Variants in ADAM12 observed in about 807,000 individuals in gnomAD.
ADAM12 encodes the protein ADAM metallopeptidase domain 12.
ADAM12 carries 70 observed loss-of-function variants against 106.4 expected under a neutral mutation model. The ratio of observed to expected loss-of-function variants is 0.66; its 90% CI spans 0.54 to 0.80. ADAM12 has a LOEUF of 0.80. ADAM12 is among the 30% of genes least tolerant of loss of function. The pLI, the probability that ADAM12 is intolerant of heterozygous loss-of-function variation, is 0.00. For missense variants in ADAM12, 1,010 were observed against 1,171.9 expected (o/e 0.86, Z 2.02); for synonymous variants, 420 against 433.5 (o/e 0.97, Z 0.39).
chr10:126,096,038 C>CA (rs1955552185), intron 10 of ADAM12, among the ~76,000 whole-genome samples: 1 of 152,108 alleles, frequency 6.6e-6, no homozygotes, highest in Admixed American at 6.5e-5. Flanking sequence ...ATCAAGGAAC[C>CA]AAGATAATCT....
rs369242497 is a variant in ADAM12 at position 126,304,318 on chromosome 10, A to AAGGG, written c.187-25334_187-25331dup. On this transcript the variant is annotated intron_variant, in intron 2 of 22. Transcript: ENST00000448723. ...GAAAGAAGGAAGGAAGGAAAGAAGGAAGGGAGGGAGGGAGGGAGGGAGGGA... is the reference window on the plus strand; with the variant it reads ...GAAAGAAGGAAGGAAGGAAAGAAGGAAGGGAGGGAGGGAGGGAGGGAGGGAGGGA... 2.1e-3 allele frequency among the ~76,000 whole-genome samples: 281 copies of AAGGG among 136,658 alleles called. 2 individuals are homozygous for AAGGG. Among genetic ancestry groups the AAGGG allele is most frequent in the African/African-American group, 6.5e-3 (247 of 38,170 alleles). 89.7% of individuals were successfully genotyped at this position (136,658 alleles called of 152,430 possible).
At chr10:126,186,986 A>C (rs1957410654) in intron 3 of ADAM12, among the ~76,000 whole-genome samples, 1 of 152,192 alleles carries the variant, frequency 6.6e-6, no homozygotes, top group East Asian at 1.9e-4. Context: ...GTCACTAACT[A>C]GATCAATCTC....
chr10:126,201,930 A>G (rs7077614), intron 3 of ADAM12, among the ~76,000 whole-genome samples: 42,157 of 152,118 alleles, frequency 0.28, 6,578 homozygotes, highest in East Asian at 0.5. Context: ...TAGTTCAGCA[A>G]CGTTGTCGTT....
At chr10:126,149,559 C>T (rs2133709521) in intron 4 of ADAM12, among the ~76,000 whole-genome samples, 1 of 152,224 alleles carries the variant, frequency 6.6e-6, no homozygotes, top group South Asian at 2.1e-4. Context: ...CTGGGAGAGG[C>T]CCACCCGTCC....
At chr10:126,172,607 C>G (rs531967834) in intron 3 of ADAM12, among the ~76,000 whole-genome samples, 1 of 152,260 alleles carries the variant, frequency 6.6e-6, no homozygotes, top group East Asian at 1.9e-4. Context: ...CAGGAAACAA[C>G]AGATGCTGGA....
chr10:126,044,493 T>C (rs1165391597), intron 17 of ADAM12, among the ~76,000 whole-genome samples: 3 of 152,184 alleles, frequency 2.0e-5, no homozygotes, highest in African/African-American at 4.8e-5. Flanking sequence ...CTAGAAGTTG[T>C]TGATGATGCA....
chr10:126,090,357 G>A (rs1401004185), intron 11 of ADAM12, among the ~76,000 whole-genome samples: 1 of 148,000 alleles, frequency 6.8e-6, no homozygotes, highest in Non-Finnish European at 1.5e-5. Context: ...TTTTTTGAAT[G>A]TTAATATTGC....
At chr10:126,318,405 AACAC>A (rs141877686) in intron 2 of ADAM12, among the ~76,000 whole-genome samples, 18 of 151,638 alleles carry the variant, frequency 1.2e-4, no homozygotes, top group Admixed American at 6.6e-5. Context: ...GTCATACACA[AACAC>A]ACACACATTC....
At chr10:126,096,450 A>G (rs541247026) in intron 10 of ADAM12, among the ~76,000 whole-genome samples, 1 of 152,386 alleles carries the variant, frequency 6.6e-6, no homozygotes, top group South Asian at 2.1e-4. Context: ...CCAGTTAGAT[A>G]AAAAGGAATG....
At chr10:126,247,060 T>C (rs1958644610) in intron 3 of ADAM12, among the ~76,000 whole-genome samples, 1 of 152,224 alleles carries the variant, frequency 6.6e-6, no homozygotes, top group Non-Finnish European at 1.5e-5. Flanking sequence ...GTTATTTAAA[T>C]ACAAATGGTT....
intron 21 of ADAM12, among the ~76,000 whole-genome samples, chr10:126,031,829 A>G (rs1953976078): frequency 6.6e-6 from 1 of 152,198 alleles, no homozygotes. Flanking sequence ...AAATGCATAG[A>G]GCCTTCTTTA....
chr10:126,074,943 G>C (rs574861490), intron 11 of ADAM12, among the ~76,000 whole-genome samples: 7 of 152,236 alleles, frequency 4.6e-5, no homozygotes, highest in African/African-American at 1.7e-4. Flanking sequence ...AGCAACTCCT[G>C]ACCATGGGTG....
Position 126,049,425 on chromosome 10 carries a change from C to T in ADAM12, c.1745G>A (p.Cys582Tyr), listed in dbSNP as rs916068976. Residue 582 changes from cysteine to tyrosine, a missense_variant, in exon 16 of 23, where the codon TGT becomes TAT. Physicochemically the swap from Cys to Tyr is radical, Grantham distance 194. Around this residue, in one of 3 missense-constraint regions of ADAM12, gnomAD observed 615 missense variants for 708.5 expected, o/e 0.87. Transcript: ENST00000448723. This position sits in a 1 kb window ranked among gnomAD's most constrained non-coding sequence, Gnocchi z 4.4. ...MRDAKCGKIQ[C>Y]QGGASRPVIG... The stretch of plus-strand genomic sequence containing the variant: ...GACTGGCCGGCTGGCACCTCCTTGA[C>T]ACTGGATTTTTCCACATTTAGCATC... 2 of 1,614,174 alleles carry T rather than the reference C, an allele frequency of 1.2e-6. No individual in the cohort carries two copies. The highest frequency in any genetic ancestry group is 1.7e-6 in the Non-Finnish European group (2 of 1,180,044).
chr10:126,376,462 T>G (rs1453884153), intron 1 of ADAM12, among the ~76,000 whole-genome samples: 1 of 152,236 alleles, frequency 6.6e-6, no homozygotes, highest in Non-Finnish European at 1.5e-5. Context: ...CTTCTGTGTA[T>G]GTTTAAAAAT....
chr10:126,254,244 G>C (rs1444388505), intron 3 of ADAM12, among the ~76,000 whole-genome samples: 2 of 152,220 alleles, frequency 1.3e-5, no homozygotes, highest in Non-Finnish European at 2.9e-5. Context: ...GCGTGACCTG[G>C]TGGGAGTCAT....
At chr10:126,203,676 T>C (rs1957741674) in intron 3 of ADAM12, among the ~76,000 whole-genome samples, 2 of 152,244 alleles carry the variant, frequency 1.3e-5, no homozygotes, top group Admixed American at 1.3e-4. Flanking sequence ...TGACAGGATC[T>C]GATCAAATAT....
At chr10:126,309,856 A>G (rs1961004854) in intron 2 of ADAM12, among the ~76,000 whole-genome samples, 2 of 152,144 alleles carry the variant, frequency 1.3e-5, no homozygotes, top group South Asian at 4.1e-4. Context: ...TGTCATGTTA[A>G]CAGAAGCGAC....
intron 3 of ADAM12, among the ~76,000 whole-genome samples, chr10:126,241,713 C>T (rs865829553): frequency 6.6e-6 from 1 of 152,154 alleles, no homozygotes; most frequent in Admixed American, 6.5e-5. Flanking sequence ...AGTGTCCTCA[C>T]GTATAAAACG....
intron 3 of ADAM12, among the ~76,000 whole-genome samples, chr10:126,233,076 C>T (rs961252169): frequency 6.6e-6 from 1 of 152,054 alleles, no homozygotes; most frequent in Non-Finnish European, 1.5e-5. Context: ...GGGCCTGGGG[C>T]TGGGCTTTGG....
Sources: allele counts gnomAD v4.1 joint callset (sites outside exome capture counted in the v4.1 genomes callset), GRCh38; gene constraint gnomAD v4.1.1; regional missense constraint gnomAD v4.1.1; non-coding constraint Gnocchi (gnomAD v3.1); transcripts MANE v1.5; gene names NCBI Gene and HGNC (gene_info 2026-07-23, HGNC 2026-07-21).